The following FRK variants were observed in gnomAD, a reference collection of about 807,000 sequenced individuals.
The protein encoded by FRK is tyrosine-protein kinase FRK.
Under a neutral mutation model 56.4 loss-of-function variants are expected in FRK, and 51 were observed. The observed-to-expected ratio is 0.90, with a 90% confidence interval of 0.72 to 1.14. FRK has a LOEUF of 1.14. Among genes scored for constraint, FRK ranks in the 50% most tolerant of loss-of-function variants. The pLI, the probability that FRK is intolerant of heterozygous loss-of-function variation, is 0.00. For synonymous variants in FRK, 245 were observed against 217.9 expected (o/e 1.12, Z -1.10); for missense variants, 570 against 601.4 (o/e 0.95, Z 0.55).
chr6:115,933,220 A>T lies in FRK; in HGVS notation c.*9194T>A, dbSNP rs1771987504. ...GAGATTTGAAATACAACATGAAATG[A>T]TGTACTCACATCCCTCACCACCATC... On this transcript the variant is annotated 3_prime_UTR_variant, in exon 8 of 8. Coordinates refer to ENST00000606080, the MANE Select transcript of FRK (RefSeq NM_002031.3). The T allele has an allele frequency of 6.6e-6, 1 of 152,220 alleles. No homozygotes were observed. The highest frequency in any genetic ancestry group is 2.4e-5 in the African/African-American group (1 of 41,466). 9.4% of individuals were successfully genotyped at this position (152,220 alleles called of 1,614,324 possible).
chr6:116,099,118 CA>C, the FRK span, among the ~76,000 whole-genome samples: 1 of 152,168 alleles, frequency 6.6e-6, no homozygotes, highest in Non-Finnish European at 1.5e-5. Flanking sequence ...GTTATCGACC[CA>C]GGGGTCTTTT....
At chr6:115,962,235 G>C (rs1248569616) in intron 4 of FRK, among the ~76,000 whole-genome samples, 1 of 134,484 alleles carries the variant, frequency 7.4e-6, no homozygotes, top group African/African-American at 2.8e-5. Flanking sequence ...AAAAAGGCAG[G>C]GGTTGCAATC....
chr6:116,043,545 CA>C (rs1056301882), intron 1 of FRK, among the ~76,000 whole-genome samples: 40 of 152,024 alleles, frequency 2.6e-4, no homozygotes, highest in African/African-American at 8.9e-4. Flanking sequence ...CCAACGAGAA[CA>C]AAGACATAAC....
intron 1 of FRK, among the ~76,000 whole-genome samples, chr6:116,025,017 T>C (rs1776033729): frequency 6.6e-6 from 1 of 152,182 alleles, no homozygotes; most frequent in South Asian, 2.1e-4. Context: ...TGATGGCCAG[T>C]GATGGTGAGC....
At chr6:115,958,696 GAAAGAAA>G (rs1773148292) in intron 4 of FRK, among the ~76,000 whole-genome samples, 1 of 7,870 alleles carries the variant, frequency 1.3e-4, no homozygotes, top group African/African-American at 5.7e-4. Flanking sequence ...AAGAAAGAAA[GAAAGAAA>G]GAAGAAAGAA....
chr6:115,962,102 A>C (rs1339579528), intron 4 of FRK, among the ~76,000 whole-genome samples: 1 of 144,296 alleles, frequency 6.9e-6, no homozygotes, highest in African/African-American at 2.6e-5. Context: ...CAGACTGGCA[A>C]GTTGGATAAA....
At chr6:115,990,001 C>G (rs1210115217) in intron 2 of FRK, among the ~76,000 whole-genome samples, 2 of 151,896 alleles carry the variant, frequency 1.3e-5, no homozygotes, top group East Asian at 3.8e-4. Context: ...AGGATGGTAT[C>G]TCATTATGGT....
chr6:116,054,756 T>A (rs1777326724), intron 1 of FRK, among the ~76,000 whole-genome samples: 1 of 151,650 alleles, frequency 6.6e-6, no homozygotes, highest in Non-Finnish European at 1.5e-5. Context: ...GGGAACAAAA[T>A]AAATGATCTA....
At chr6:116,024,520 GT>G (rs1403951832) in intron 1 of FRK, among the ~76,000 whole-genome samples, 1 of 151,488 alleles carries the variant, frequency 6.6e-6, no homozygotes, top group Admixed American at 6.6e-5. Context: ...GCGGTGTTTG[GT>G]TTTTTGTTCT....
chr6:115,961,460 G>A (rs1469684460), intron 4 of FRK, among the ~76,000 whole-genome samples: 5 of 109,882 alleles, frequency 4.6e-5, no homozygotes, highest in Non-Finnish European at 9.2e-5. Flanking sequence ...AACCAAGTTG[G>A]AAAACACTCT....
intron 5 of FRK, among the ~76,000 whole-genome samples, chr6:115,955,275 AT>A (rs2114553229): frequency 1.3e-5 from 2 of 152,146 alleles, no homozygotes; most frequent in South Asian, 4.2e-4. Context: ...AATGAAGGAA[AT>A]GTTTCCAGGA....
chr6:116,066,218 A>G, the FRK span, among the ~76,000 whole-genome samples: 129 of 152,266 alleles, frequency 8.5e-4, 1 homozygote, highest in African/African-American at 3.1e-3. Context: ...AATAAAAAGC[A>G]GGCAGAAAAA....
chr6:115,945,656 T>C (rs542808510), intron 5 of FRK, among the ~76,000 whole-genome samples: 59 of 152,254 alleles, frequency 3.9e-4, no homozygotes, highest in African/African-American at 1.4e-3. Context: ...CATCATGTTG[T>C]TTTTAAAAAC....
chr6:116,038,940 G>A (rs1776601324), intron 1 of FRK: 2 of 654,320 alleles, frequency 3.1e-6, no homozygotes, highest in African/African-American at 3.6e-5. Flanking sequence ...TGCTGTGGCT[G>A]CGCAGAACTG....
At chr6:116,003,676 G>C (rs1775144080) in intron 2 of FRK, among the ~76,000 whole-genome samples, 1 of 152,054 alleles carries the variant, frequency 6.6e-6, no homozygotes, top group African/African-American at 2.4e-5. Flanking sequence ...ATTTGAAACT[G>C]TTTATAGAGA....
upstream of FRK, among the ~76,000 whole-genome samples, chr6:116,063,702 G>A (rs1310719889): frequency 3.9e-5 from 6 of 152,086 alleles, no homozygotes; most frequent in Non-Finnish European, 8.8e-5. Context: ...ATGTATCACA[G>A]CATTACTTTG....
chr6:116,081,726 C>G, the FRK span, among the ~76,000 whole-genome samples: 1 of 151,882 alleles, frequency 6.6e-6, no homozygotes, highest in South Asian at 2.1e-4. Context: ...GTTACACTTA[C>G]TGAGCACTTG....
rs751979476 is a variant in FRK at position 116,060,359 on chromosome 6, A to G, written c.-48T>C. 6.9e-7 allele frequency: 1 copy of G among 1,445,436 alleles called. No individual in the cohort carries two copies. Among genetic ancestry groups the G allele is most frequent in the Non-Finnish European group, 9.5e-7 (1 of 1,048,110 alleles). The allele number at this position is 1,445,436 out of a possible 1,614,324, so 89.5% of individuals were successfully genotyped here. A position where few individuals can be genotyped will look rare whatever the true frequency, so the allele number is the denominator to read the frequency against. On this transcript the variant is annotated 5_prime_UTR_variant, in exon 1 of 8. Transcript: ENST00000606080. ...GAGCAGGGCTTCTCCCTCTCCCCTTAGTCTCTGCGATCCACCTTATCTTCC... is the reference window on the plus strand; with the variant it reads ...GAGCAGGGCTTCTCCCTCTCCCCTTGGTCTCTGCGATCCACCTTATCTTCC...
chr6:116,017,754 C>T (rs1312571903), intron 1 of FRK, among the ~76,000 whole-genome samples: 1 of 152,110 alleles, frequency 6.6e-6, no homozygotes, highest in Non-Finnish European at 1.5e-5. Context: ...AACCAAGGTA[C>T]TACAATTTGA....
Sources: allele counts gnomAD v4.1 joint callset (sites outside exome capture counted in the v4.1 genomes callset), GRCh38; gene constraint gnomAD v4.1.1; transcripts MANE v1.5; gene names NCBI Gene and HGNC (gene_info 2026-07-23, HGNC 2026-07-21).